Variants in TAS2R1 observed in about 807,000 individuals in gnomAD.
The protein encoded by TAS2R1 is taste 2 receptor member 1, also known as taste receptor type 2 member 1.
For synonymous variants in TAS2R1, 141 were observed against 134.2 expected (o/e 1.05, Z -0.35); for missense variants, 370 against 353.4 (o/e 1.05, Z -0.38).
At chr5:9,898,019 T>G in the TAS2R1 span, among the ~76,000 whole-genome samples, 1 of 152,226 alleles carries the variant, frequency 6.6e-6, no homozygotes, top group Non-Finnish European at 1.5e-5. Context: ...GGGGACTCAC[T>G]TCGGAATTCT....
At chr5:9,858,146 T>C in the TAS2R1 span, among the ~76,000 whole-genome samples, 5 of 152,140 alleles carry the variant, frequency 3.3e-5, no homozygotes, top group Admixed American at 3.3e-4. Context: ...CCAAAGCCAC[T>C]GAGGCCCAGT....
At chr5:9,720,452 G>T in the TAS2R1 span, among the ~76,000 whole-genome samples, 2 of 152,218 alleles carry the variant, frequency 1.3e-5, no homozygotes, top group South Asian at 2.1e-4. Context: ...TACCTCTGAA[G>T]GCCTAAGGCC....
the TAS2R1 span, among the ~76,000 whole-genome samples, chr5:9,790,687 G>A: frequency 6.6e-6 from 1 of 152,164 alleles, no homozygotes; most frequent in African/African-American, 2.4e-5. Context: ...GCAGTGCAGT[G>A]GTGTAATCTC....
chr5:9,798,942 T>G, the TAS2R1 span, among the ~76,000 whole-genome samples: 15 of 152,332 alleles, frequency 9.8e-5, no homozygotes, highest in African/African-American at 3.6e-4. Flanking sequence ...ACCAGGACAC[T>G]GACTACCTCT....
chr5:9,819,194 T>A, the TAS2R1 span, among the ~76,000 whole-genome samples: 2 of 152,048 alleles, frequency 1.3e-5, no homozygotes. Context: ...CTGAGAGAGA[T>A]CTAGGGATGG....
chr5:9,728,852 G>T, the TAS2R1 span, among the ~76,000 whole-genome samples: 2 of 152,154 alleles, frequency 1.3e-5, no homozygotes, highest in African/African-American at 4.8e-5. Context: ...AGATTCCATG[G>T]CATCTCGATC....
At chr5:9,647,959 C>G (rs962934610) in intron 2 of TAS2R1, among the ~76,000 whole-genome samples, 2 of 152,082 alleles carry the variant, frequency 1.3e-5, no homozygotes, top group Non-Finnish European at 2.9e-5. Context: ...TCTAGTTCGA[C>G]TTAACATAGT....
At chr5:9,632,210 T>A (rs564132537), upstream of TAS2R1, among the ~76,000 whole-genome samples, 1 of 152,370 alleles carries the variant, frequency 6.6e-6, no homozygotes, top group Non-Finnish European at 1.5e-5. Context: ...ATGTTGATAC[T>A]AAACTGTGGT....
chr5:9,772,961 C>A, the TAS2R1 span, among the ~76,000 whole-genome samples: 1 of 151,932 alleles, frequency 6.6e-6, no homozygotes, highest in African/African-American at 2.4e-5. Context: ...CCACTCTTTG[C>A]GTTTTGATTA....
At chr5:9,778,437 A>G in the TAS2R1 span, among the ~76,000 whole-genome samples, 1 of 152,232 alleles carries the variant, frequency 6.6e-6, no homozygotes, top group Non-Finnish European at 1.5e-5. Context: ...AGCCCCTAAC[A>G]AGATAATCAA....
chr5:9,736,399 T>A, the TAS2R1 span, among the ~76,000 whole-genome samples: 3 of 152,234 alleles, frequency 2.0e-5, no homozygotes, highest in Non-Finnish European at 4.4e-5. Context: ...CCATCTGCTC[T>A]CTTGTGAAGT....
At chr5:9,813,992 C>A in the TAS2R1 span, among the ~76,000 whole-genome samples, 15 of 152,116 alleles carry the variant, frequency 9.9e-5, no homozygotes, top group African/African-American at 3.1e-4. Flanking sequence ...GTCTGGTTTT[C>A]AAGTTTAAAA....
At chr5:9,807,122 T>C in the TAS2R1 span, among the ~76,000 whole-genome samples, 4 of 152,016 alleles carry the variant, frequency 2.6e-5, no homozygotes, top group East Asian at 1.9e-4. Context: ...AAAGAAGATA[T>C]ACAAATGGTC....
intron 1 of TAS2R1, among the ~76,000 whole-genome samples, chr5:9,671,852 A>AT (rs926631207): frequency 5.3e-5 from 8 of 151,952 alleles, no homozygotes; most frequent in Non-Finnish European, 7.4e-5. Context: ...TAAGCAAAAA[A>AT]AATAATAATA....
At chr5:9,805,196 A>C in the TAS2R1 span, among the ~76,000 whole-genome samples, 5 of 152,096 alleles carry the variant, frequency 3.3e-5, no homozygotes, top group Non-Finnish European at 7.4e-5. Flanking sequence ...TAAATGAGGA[A>C]GATATAGAGA....
chr5:9,633,319 T>TATATATATATATATATATATATAC (rs1475834697), upstream of TAS2R1, among the ~76,000 whole-genome samples: 15 of 137,508 alleles, frequency 1.1e-4, no homozygotes, highest in African/African-American at 3.0e-4. Context: ...TATATATATA[T>TATATATATATATATATATATATAC]ACACAAATGT....
chr5:9,775,059 T>C, the TAS2R1 span, among the ~76,000 whole-genome samples: 2 of 152,234 alleles, frequency 1.3e-5, no homozygotes, highest in Admixed American at 1.3e-4. Flanking sequence ...AGAGATGTCA[T>C]TCAGGAGCCA....
At chr5:9,791,400 T>C in the TAS2R1 span, among the ~76,000 whole-genome samples, 1 of 152,264 alleles carries the variant, frequency 6.6e-6, no homozygotes, top group African/African-American at 2.4e-5. Context: ...GCAAAGTTTT[T>C]AAAAATGCTG....
At chr5:9,683,267 A>G (rs1358608078) in intron 1 of TAS2R1, among the ~76,000 whole-genome samples, 2 of 152,206 alleles carry the variant, frequency 1.3e-5, no homozygotes, top group African/African-American at 2.4e-5. Context: ...GCCATATTCT[A>G]TAAGTTCCCA....
Sources: gnomAD v4.1 joint callset for allele counts (sites outside exome capture counted in the v4.1 genomes callset) on GRCh38, gnomAD v4.1.1 for gene constraint, MANE v1.5 for transcripts, NCBI Gene and HGNC (gene_info 2026-07-23, HGNC 2026-07-21) for gene names.